PCSK6: variants seen among roughly 807,000 people sequenced by gnomAD.
PCSK6 encodes paired basic amino acid cleaving enzyme 4.
A neutral mutation model predicts 123.3 loss-of-function variants in PCSK6; 85 were observed. The observed-to-expected ratio is 0.69, with a 90% CI of 0.58 to 0.83. The LOEUF is 0.83. PCSK6 is among the 40% of genes least tolerant of loss of function. PCSK6 has a pLI of 0.00. For synonymous variants in PCSK6, 508 were observed against 516.0 expected (o/e 0.98, Z 0.21); for missense variants, 1,191 against 1,282.3 (o/e 0.93, Z 1.09).
chr15:101,324,799 GA>G, intron 17 of PCSK6, 50 bp downstream of exon 17: 1 of 1,500,874 alleles, frequency 6.7e-7, no homozygotes, highest in Non-Finnish European at 9.1e-7. Context: ...CACGGGCCCA[GA>G]AAGTTGGGGC....
At chr15:101,463,922 A>G (rs1473474932) in intron 1 of PCSK6, among the ~76,000 whole-genome samples, 1 of 152,218 alleles carries the variant, frequency 6.6e-6, no homozygotes, top group Non-Finnish European at 1.5e-5. Context: ...AAGGAGAACC[A>G]GAAGGCCCCC....
chr15:101,363,989 C>A (rs775345897), intron 13 of PCSK6, among the ~76,000 whole-genome samples: 1 of 152,176 alleles, frequency 6.6e-6, no homozygotes, highest in African/African-American at 2.4e-5. Context: ...AAGAATACAA[C>A]TGGGGGAGGT....
intron 1 of PCSK6, among the ~76,000 whole-genome samples, chr15:101,479,513 C>A: frequency 6.6e-6 from 1 of 152,120 alleles, no homozygotes; most frequent in East Asian, 1.9e-4. Flanking sequence ...GGCCCGGCCT[C>A]GGCTGTGGCC....
chr15:101,381,859 G>A (rs1466754704), intron 11 of PCSK6, among the ~76,000 whole-genome samples: 1 of 152,252 alleles, frequency 6.6e-6, no homozygotes, highest in Non-Finnish European at 1.5e-5. Flanking sequence ...CTATCGTGGA[G>A]CAATCTGCTA....
At chr15:101,406,769 T>C (rs2042793500) in intron 6 of PCSK6, among the ~76,000 whole-genome samples, 2 of 152,062 alleles carry the variant, frequency 1.3e-5, no homozygotes, top group African/African-American at 4.8e-5. Context: ...ATGAAGTGTG[T>C]GGGGACGCGC....
chr15:101,429,224 T>C (rs150777498), intron 5 of PCSK6, among the ~76,000 whole-genome samples: 128 of 148,504 alleles, frequency 8.6e-4, no homozygotes, highest in Admixed American at 1.4e-3. Context: ...GTATGGGGCA[T>C]GCTGATGGAG....
At chr15:101,477,329 C>T (rs2057758451) in intron 1 of PCSK6, among the ~76,000 whole-genome samples, 2 of 152,166 alleles carry the variant, frequency 1.3e-5, no homozygotes, top group Non-Finnish European at 2.9e-5. Flanking sequence ...ATCTAAAATA[C>T]TCCAAAATCC....
At chr15:101,329,855 C>A (rs1163194557) in intron 15 of PCSK6, among the ~76,000 whole-genome samples, 3 of 152,224 alleles carry the variant, frequency 2.0e-5, no homozygotes, top group Non-Finnish European at 4.4e-5. Flanking sequence ...GGAACCCAAG[C>A]TCTTCCCTGC....
intron 5 of PCSK6, 132 bp from the exon 6 acceptor site, chr15:101,428,112 G>T: frequency 1.4e-6 from 1 of 737,690 alleles, no homozygotes; most frequent in Non-Finnish European, 2.3e-6. Context: ...CCCATTTCCT[G>T]CATCCCCTCT....
In PCSK6 at chr15:101,318,399, G is replaced by A. The variant is rs774329024; in HGVS notation, c.2489C>T (p.Pro830Leu). 6.4e-7 allele frequency: 1 copy of A among 1,561,822 alleles called. No individual in the cohort carries two copies. Residue 830 changes from proline (P) to leucine (L), a missense_variant, in exon 19 of 22, where the codon CCT (proline) becomes CTT (leucine). Pro to Leu is a moderately conservative substitution (Grantham distance 98). Transcript: ENST00000611716. ...AAAGTAGGTGCCTGGCTCACAGTCA[G>A]GAATGCAGCTGCCCCGTGCAAGGCT... ...GFSLARGSCI[P>L]DCEPGTYFDS...
chr15:101,395,483 A>G (rs1422510019), intron 7 of PCSK6, among the ~76,000 whole-genome samples: 1 of 152,244 alleles, frequency 6.6e-6, no homozygotes, highest in African/African-American at 2.4e-5. Context: ...GCATCAAGGT[A>G]CCAACAACCT....
At chr15:101,318,641 C>T (rs767063211) in intron 18 of PCSK6, among the ~76,000 whole-genome samples, 1 of 152,250 alleles carries the variant, frequency 6.6e-6, no homozygotes, top group Non-Finnish European at 1.5e-5. Flanking sequence ...GCTCCCATCA[C>T]CAGGCAGCAG....
chr15:101,405,550 G>T (rs1230401390), intron 6 of PCSK6, among the ~76,000 whole-genome samples: 1 of 152,130 alleles, frequency 6.6e-6, no homozygotes, highest in African/African-American at 2.4e-5. Flanking sequence ...GCTCCATCCA[G>T]GAAGGAATCA....
At chr15:101,316,910 G>GTTTTTTTCT (rs1555444537) in intron 19 of PCSK6, among the ~76,000 whole-genome samples, 2 of 114,972 alleles carry the variant, frequency 1.7e-5, no homozygotes, top group Non-Finnish European at 3.4e-5. Context: ...ACTTAATTCT[G>GTTTTTTTCT]TTTTTTTTTT....
chr15:101,386,499 G>A (rs1226116762), intron 9 of PCSK6, among the ~76,000 whole-genome samples: 3 of 152,168 alleles, frequency 2.0e-5, no homozygotes, highest in Admixed American at 6.5e-5. Context: ...TCTGTCCCAC[G>A]GGACACTCAG....
At chr15:101,309,824 T>G (rs1192073283) in intron 20 of PCSK6, among the ~76,000 whole-genome samples, 2 of 152,248 alleles carry the variant, frequency 1.3e-5, no homozygotes, top group Non-Finnish European at 2.9e-5. Context: ...CACTAGGTCT[T>G]GAGGGTGTCC....
chr15:101,419,296 C>T (rs560473891), intron 6 of PCSK6, among the ~76,000 whole-genome samples: 34 of 151,538 alleles, frequency 2.2e-4, no homozygotes, highest in Admixed American at 1.3e-3. Flanking sequence ...TTCCTATATC[C>T]GTTTCAATAA....
intron 13 of PCSK6, among the ~76,000 whole-genome samples, chr15:101,341,506 G>GC (rs1187040445): frequency 6.6e-5 from 10 of 151,776 alleles, no homozygotes; most frequent in African/African-American, 1.5e-4. Flanking sequence ...AGGTGATCTG[G>GC]CCACCTTGGC....
In PCSK6 at chr15:101,477,837, T is replaced by C. The variant is rs562891645; in HGVS notation, c.297+11537A>G. On this transcript the variant is annotated intron_variant, in intron 1 of 21. Transcript: ENST00000611716. Reference sequence around the variant, plus strand: ...GTTCTGGTAGGCAGAAAGGAGGGTATCCAAGAAAGGTTCCCTGACCTTCAG... The same window carrying C: ...GTTCTGGTAGGCAGAAAGGAGGGTACCCAAGAAAGGTTCCCTGACCTTCAG... Among the ~76,000 whole-genome samples the C allele has an allele frequency of 2.6e-5, 4 of 152,322 alleles. No individual in the cohort carries two copies. The South Asian group carries it at 8.3e-4, about 32-fold the overall frequency.
Sources: gnomAD v4.1 joint callset for allele counts (sites outside exome capture counted in the v4.1 genomes callset) on GRCh38, gnomAD v4.1.1 for gene constraint, MANE v1.5 for transcripts, NCBI Gene and HGNC (gene_info 2026-07-23, HGNC 2026-07-21) for gene names.